Variants in SPOCK3 observed in about 807,000 individuals in gnomAD.
The protein encoded by SPOCK3 is testican-3.
SPOCK3 carries 30 observed loss-of-function variants against 56.6 expected under a neutral mutation model. The ratio of observed to expected loss-of-function variants is 0.53; its 90% CI spans 0.40 to 0.72. The LOEUF (loss-of-function observed/expected upper bound fraction) is 0.72. SPOCK3 is among the 30% of genes least tolerant of loss of function. The pLI is 0.00. For missense variants in SPOCK3, 527 were observed against 530.0 expected (o/e 0.99, Z 0.06); for synonymous variants, 196 against 183.3 (o/e 1.07, Z -0.56).
intron 2 of SPOCK3, among the ~76,000 whole-genome samples, chr4:167,231,467 T>C (rs1314786446): frequency 6.6e-6 from 1 of 152,126 alleles, no homozygotes; most frequent in Non-Finnish European, 1.5e-5. Flanking sequence ...CAGAATTCCA[T>C]GTTTCTTTGC....
At chr4:166,892,876 G>T (rs970709702) in intron 5 of SPOCK3, among the ~76,000 whole-genome samples, 7 of 151,988 alleles carry the variant, frequency 4.6e-5, no homozygotes, top group Admixed American at 4.6e-4. Context: ...AAAAAAATGC[G>T]GCATATGAAA....
At chr4:166,917,561 T>G (rs1156914618) in intron 4 of SPOCK3, among the ~76,000 whole-genome samples, 2 of 152,186 alleles carry the variant, frequency 1.3e-5, no homozygotes, top group African/African-American at 4.8e-5. Flanking sequence ...AAAATATTCA[T>G]TTCTAAAAAT....
At chr4:167,115,883 T>C (rs1761286871) in intron 2 of SPOCK3, among the ~76,000 whole-genome samples, 1 of 152,062 alleles carries the variant, frequency 6.6e-6, no homozygotes, top group Non-Finnish European at 1.5e-5. Context: ...ACACTTCAAA[T>C]TGCAGAAGAA....
intron 4 of SPOCK3, among the ~76,000 whole-genome samples, chr4:166,965,323 C>G (rs1161336739): frequency 1.3e-5 from 2 of 151,278 alleles, no homozygotes; most frequent in Non-Finnish European, 3.0e-5. Flanking sequence ...TTTCCTTACC[C>G]TCTCCTTTTC....
rs74584528 is a variant in SPOCK3 at position 166,803,375 on chromosome 4, C to A, written c.590-11086G>T. On this transcript the variant is annotated intron_variant, in intron 6 of 10. Transcript: ENST00000357545. The stretch of plus-strand genomic sequence containing the variant: ...CATTTTGTTCAGACATTAGAGAGTA[C>A]AAGTTGAATAGATGAGTCTCCGAGC... 4.4e-3 allele frequency among the ~76,000 whole-genome samples: 671 copies of A among 152,140 alleles called. 9 individuals are homozygous for A. Among genetic ancestry groups the A allele is most frequent in the African/African-American group, 0.016 (651 of 41,486 alleles).
intron 6 of SPOCK3, among the ~76,000 whole-genome samples, chr4:166,830,972 C>T (rs1745980796): frequency 6.6e-6 from 1 of 150,796 alleles, no homozygotes; most frequent in Non-Finnish European, 1.5e-5. Context: ...CCCTCCAGCA[C>T]TTTTTTTTTC....
chr4:166,979,872 A>C (rs1004116850), intron 4 of SPOCK3, among the ~76,000 whole-genome samples: 2 of 152,176 alleles, frequency 1.3e-5, no homozygotes, highest in African/African-American at 4.8e-5. Flanking sequence ...TCACATCTTT[A>C]CTGGTTACCA....
chr4:167,023,900 TA>T (rs1254738300), intron 3 of SPOCK3, among the ~76,000 whole-genome samples: 2 of 152,094 alleles, frequency 1.3e-5, no homozygotes, highest in Non-Finnish European at 2.9e-5. Context: ...CTGACCTCTT[TA>T]AAATTTATCA....
chr4:166,996,565 A>G (rs1054337402), intron 4 of SPOCK3, among the ~76,000 whole-genome samples: 31 of 152,180 alleles, frequency 2.0e-4, no homozygotes, highest in African/African-American at 7.5e-4. Flanking sequence ...ATGTTACCAT[A>G]TTGGAAAAAC....
intron 3 of SPOCK3, 104 bp from the exon 4 acceptor site, chr4:167,000,567 G>A: frequency 3.5e-6 from 2 of 574,828 alleles, no homozygotes; most frequent in East Asian, 6.1e-5. Context: ...ATGCTTAATT[G>A]TAAACTTTCT....
chr4:167,076,851 C>A (rs1042067129), intron 2 of SPOCK3, among the ~76,000 whole-genome samples: 57 of 151,638 alleles, frequency 3.8e-4, no homozygotes, highest in African/African-American at 1.3e-3. Context: ...AAATTAGAAA[C>A]ATTTTAAATT....
At chr4:167,167,635 G>C (rs1391799345) in intron 2 of SPOCK3, among the ~76,000 whole-genome samples, 2 of 152,160 alleles carry the variant, frequency 1.3e-5, no homozygotes, top group Admixed American at 1.3e-4. Flanking sequence ...TAGAGGATCT[G>C]TATAGTGAGA....
intron 2 of SPOCK3, among the ~76,000 whole-genome samples, chr4:167,216,103 C>T (rs1000718352): frequency 2.0e-5 from 3 of 152,084 alleles, no homozygotes; most frequent in Admixed American, 2.0e-4. Context: ...CAGACTTCTT[C>T]TGATGAACAG....
intron 8 of SPOCK3, 57 bp from the exon 9 acceptor site, chr4:166,742,116 A>C (rs1734907698): frequency 8.0e-7 from 1 of 1,252,892 alleles, no homozygotes; most frequent in Non-Finnish European, 1.2e-6. Context: ...AGAAAGTGTA[A>C]TTTCTATGTT....
chr4:167,013,010 G>A (rs1182666945), intron 3 of SPOCK3, among the ~76,000 whole-genome samples: 6 of 151,866 alleles, frequency 4.0e-5, no homozygotes, highest in Non-Finnish European at 8.8e-5. Flanking sequence ...TAAATACAGT[G>A]AGTCTTTGGA....
At chr4:167,233,057 GC>G (rs1561352479) in intron 2 of SPOCK3, among the ~76,000 whole-genome samples, 2 of 152,182 alleles carry the variant, frequency 1.3e-5, no homozygotes, top group African/African-American at 4.8e-5. Flanking sequence ...CAGGCCTTCC[GC>G]GTTTTAAAGG....
chr4:167,149,266 A>T (rs562062555), intron 2 of SPOCK3, among the ~76,000 whole-genome samples: 2 of 152,300 alleles, frequency 1.3e-5, no homozygotes, highest in South Asian at 4.1e-4. Context: ...CTGAGAAAAC[A>T]ACAGCAAATA....
intron 2 of SPOCK3, among the ~76,000 whole-genome samples, chr4:167,136,625 A>C (rs1454894844): frequency 2.6e-5 from 4 of 152,232 alleles, no homozygotes; most frequent in African/African-American, 9.6e-5. Flanking sequence ...TTTTTTATGA[A>C]TCTTTGGTAT....
At chr4:166,992,900 G>A (rs1455654350) in intron 4 of SPOCK3, among the ~76,000 whole-genome samples, 1 of 152,064 alleles carries the variant, frequency 6.6e-6, no homozygotes, top group Non-Finnish European at 1.5e-5. Flanking sequence ...CAGCTTATGT[G>A]TGAAGGAATT....
Sources: allele counts gnomAD v4.1 joint callset (sites outside exome capture counted in the v4.1 genomes callset), GRCh38; gene constraint gnomAD v4.1.1; transcripts MANE v1.5; gene names NCBI Gene and HGNC (gene_info 2026-07-23, HGNC 2026-07-21).